The following COX10 variants were observed in gnomAD, a reference collection of about 807,000 sequenced individuals.
COX10 encodes protoheme IX farnesyltransferase, mitochondrial.
A neutral mutation model predicts 37.3 loss-of-function variants in COX10; 27 were observed. The ratio of observed to expected loss-of-function variants is 0.72; its 90% confidence interval spans 0.53 to 1.00. The LOEUF is 1.00. Ranked by LOEUF, COX10 falls within the 50% of genes least tolerant of loss-of-function variation. The pLI, the probability that COX10 is intolerant of heterozygous loss-of-function variation, is 0.00. For synonymous variants in COX10, 222 were observed against 229.1 expected (o/e 0.97, Z 0.28); for missense variants, 475 against 563.2 (o/e 0.84, Z 1.59).
At chr17:14,123,450 G>A (rs1916269201) in intron 4 of COX10, among the ~76,000 whole-genome samples, 1 of 152,184 alleles carries the variant, frequency 6.6e-6, no homozygotes, top group South Asian at 2.1e-4. Flanking sequence ...ATTGATGTGT[G>A]AGCTATGAAC....
chr17:14,144,191 TG>T (rs137867474), intron 4 of COX10, among the ~76,000 whole-genome samples: 5,925 of 152,264 alleles, frequency 0.039, 197 homozygotes, highest in Non-Finnish European at 0.051. Context: ...CCAATTTTAT[TG>T]ATTAGTATGT....
chr17:14,114,345 C>A (rs1916065894), intron 4 of COX10, among the ~76,000 whole-genome samples: 1 of 152,072 alleles, frequency 6.6e-6, no homozygotes, highest in African/African-American at 2.4e-5. Flanking sequence ...AAAATCAAAT[C>A]ACTTTAAACA....
chr17:14,145,083 G>C (rs1189033485), intron 4 of COX10, among the ~76,000 whole-genome samples: 1 of 151,718 alleles, frequency 6.6e-6, no homozygotes, highest in Non-Finnish European at 1.5e-5. Flanking sequence ...CACACTGGTA[G>C]GGATGATAGT....
chr17:14,085,805 A>G (rs533927833), intron 3 of COX10, among the ~76,000 whole-genome samples: 1 of 152,292 alleles, frequency 6.6e-6, no homozygotes, highest in South Asian at 2.1e-4. Flanking sequence ...GATTCCCCTC[A>G]AGAAAAGTTG....
At chr17:14,160,013 T>C (rs1354021995) in intron 5 of COX10, 66 bp downstream of exon 5, 11 of 1,431,118 alleles carry the variant, frequency 7.7e-6, no homozygotes, top group Non-Finnish European at 9.8e-6. Context: ...ATCTGAATCA[T>C]TTCCCACTAT....
intron 4 of COX10, among the ~76,000 whole-genome samples, chr17:14,121,028 C>T (rs1916216736): frequency 6.6e-6 from 1 of 152,168 alleles, no homozygotes; most frequent in Admixed American, 6.6e-5. Context: ...GTGAATGTGT[C>T]ATGCTCATTC....
Position 14,157,481 on chromosome 17 carries a change from A to G in COX10, c.625-2396A>G, listed in dbSNP as rs112608052. Among the ~76,000 whole-genome samples, 274 of 152,334 alleles carry G rather than the reference A, an allele frequency of 1.8e-3. 2 individuals carry two copies. Among genetic ancestry groups the G allele is most frequent in the African/African-American group, 6.2e-3 (257 of 41,576 alleles). The stretch of plus-strand genomic sequence containing the variant: ...TAAGAATAATTGCACACATATGCAG[A>G]TGCATGTTTAGGGATGTTTGTCGTA... On this transcript the variant is annotated intron_variant, in intron 4 of 6. Transcript: ENST00000261643.
chr17:14,071,631 C>T (rs1169291249), intron 1 of COX10, among the ~76,000 whole-genome samples: 6 of 151,746 alleles, frequency 4.0e-5, no homozygotes, highest in Admixed American at 2.6e-4. Context: ...CACCTGTAAT[C>T]CCAGAACTTT....
chr17:14,196,261 G>A (rs188405910), intron 6 of COX10, among the ~76,000 whole-genome samples: 87 of 152,234 alleles, frequency 5.7e-4, no homozygotes, highest in Non-Finnish European at 1.1e-3. Flanking sequence ...AGGAAATCAC[G>A]TCTCAGGGTC....
chr17:14,115,149 A>G (rs1166272979), intron 4 of COX10, among the ~76,000 whole-genome samples: 1 of 152,164 alleles, frequency 6.6e-6, no homozygotes, highest in Non-Finnish European at 1.5e-5. Context: ...CTCAACAATT[A>G]AAAGGGGCTA....
chr17:14,130,601 A>G (rs1916442418), intron 4 of COX10, among the ~76,000 whole-genome samples: 1 of 151,976 alleles, frequency 6.6e-6, no homozygotes, highest in Non-Finnish European at 1.5e-5. Context: ...TTTTTTTTCT[A>G]AGAGTTAAAG....
intron 4 of COX10, among the ~76,000 whole-genome samples, chr17:14,142,966 T>C (rs568146041): frequency 1.3e-5 from 2 of 152,318 alleles, no homozygotes; most frequent in African/African-American, 4.8e-5. Context: ...ACAAATGTCT[T>C]ACCCTGCTAT....
chr17:14,123,629 G>A (rs1405909886), intron 4 of COX10, among the ~76,000 whole-genome samples: 1 of 152,148 alleles, frequency 6.6e-6, no homozygotes, highest in Non-Finnish European at 1.5e-5. Context: ...GAATGTAAAT[G>A]TTATTTCTGT....
chr17:14,199,197 C>T (rs1906455937), intron 6 of COX10, among the ~76,000 whole-genome samples: 1 of 152,120 alleles, frequency 6.6e-6, no homozygotes, highest in South Asian at 2.1e-4. Flanking sequence ...CTGTGTTGAC[C>T]ATAATTGATC....
chr17:14,197,251 C>G (rs79287727), intron 6 of COX10, among the ~76,000 whole-genome samples: 2 of 152,172 alleles, frequency 1.3e-5, no homozygotes, highest in African/African-American at 4.8e-5. Context: ...TGCAGTATGT[C>G]GGGAAGTACC....
intron 4 of COX10, among the ~76,000 whole-genome samples, chr17:14,107,751 G>T (rs180907513): frequency 2.1e-3 from 314 of 151,986 alleles, no homozygotes; most frequent in Non-Finnish European, 3.5e-3. Context: ...TTAGCAAATT[G>T]TTCTAGAATC....
intron 5 of COX10, among the ~76,000 whole-genome samples, chr17:14,168,082 T>C (rs563931618): frequency 6.6e-6 from 1 of 152,294 alleles, no homozygotes; most frequent in South Asian, 2.1e-4. Flanking sequence ...ACCTACAAGA[T>C]ACAATGAGGG....
chr17:14,114,695 A>G (rs927125422), intron 4 of COX10, among the ~76,000 whole-genome samples: 1 of 152,128 alleles, frequency 6.6e-6, no homozygotes, highest in Admixed American at 6.6e-5. Flanking sequence ...AGTCATATCC[A>G]TATAGAACTC....
Position 14,073,860 on chromosome 17 carries a change from A to T in COX10, c.44-463A>T, listed in dbSNP as rs112520735. 1.3e-3 allele frequency among the ~76,000 whole-genome samples: 191 copies of T among 152,278 alleles called. 2 individuals are homozygous for T. The highest frequency in any genetic ancestry group is 4.2e-3 in the African/African-American group (176 of 41,550). ...AGTTTATTCCTAACTAGACTGATAG[A>T]GTCATACTCTATTGAGAACTGTTTC... On this transcript the variant is annotated intron_variant, in intron 1 of 6. Coordinates refer to ENST00000261643, the MANE Select transcript of COX10 (RefSeq NM_001303.4).
Sources: allele counts gnomAD v4.1 joint callset (sites outside exome capture counted in the v4.1 genomes callset), GRCh38; gene constraint gnomAD v4.1.1; transcripts MANE v1.5; gene names NCBI Gene and HGNC (gene_info 2026-07-23, HGNC 2026-07-21).